TFEC: variants seen among roughly 807,000 people sequenced by gnomAD.
TFEC encodes the protein transcription factor EC.
In TFEC, 31 loss-of-function variants were observed where a neutral mutation model predicts 41.6. The ratio of observed to expected loss-of-function variants is 0.74; its 90% confidence interval spans 0.56 to 1.01. The LOEUF is 1.01. Ranked by LOEUF, TFEC falls within the 50% of genes least tolerant of loss-of-function variation. The pLI is 0.00. For missense variants in TFEC, 402 were observed against 404.1 expected, an observed-to-expected ratio of 0.99 and a Z score of 0.04; for synonymous variants, 143 against 140.6, an observed-to-expected ratio of 1.02 and a Z score of -0.12.
Position 115,984,265 on chromosome 7 carries a change from C to A in TFEC, c.177G>T (p.Trp59Cys). 2 of 1,613,484 alleles carry A rather than the reference C, an allele frequency of 1.2e-6. No homozygotes were observed. The highest frequency in any genetic ancestry group is 1.7e-6 in the Non-Finnish European group (2 of 1,179,528). The stretch of plus-strand genomic sequence containing the variant: ...TATAACCAGCCATTAGACATACATG[C>A]CATTGTGCATTGTCATCTTCTTTCC... ...AIGKEDDNAQ[W>C]HMEDVIEDII... Residue 59 changes from tryptophan to cysteine, a missense_variant, in exon 2 of 8, where the codon TGG becomes TGT. By Grantham distance (215) the Trp-to-Cys change is radical. Coordinates refer to ENST00000265440, the MANE Select transcript of TFEC (RefSeq NM_012252.4).
intron 3 of TFEC, among the ~76,000 whole-genome samples, chr7:116,084,037 G>T (rs927010737): frequency 3.3e-5 from 5 of 151,890 alleles, no homozygotes; most frequent in African/African-American, 1.2e-4. Context: ...TTGTGTCTTT[G>T]TCTTGATCCC....
At chr7:116,143,945 C>T (rs1798590694) in intron 1 of TFEC, among the ~76,000 whole-genome samples, 1 of 151,880 alleles carries the variant, frequency 6.6e-6, no homozygotes. Context: ...CCTCGCCGAG[C>T]GCGGTGGCTC....
chr7:116,118,071 C>T (rs1201428064), intron 1 of TFEC, among the ~76,000 whole-genome samples: 1 of 151,732 alleles, frequency 6.6e-6, no homozygotes, highest in Non-Finnish European at 1.5e-5. Flanking sequence ...ACCAAAAGAT[C>T]AACTGATTTT....
At chr7:116,056,444 A>T (rs1796432862) in intron 3 of TFEC, among the ~76,000 whole-genome samples, 1 of 152,142 alleles carries the variant, frequency 6.6e-6, no homozygotes, top group Admixed American at 6.6e-5. Flanking sequence ...CATACATGTG[A>T]GGAAAATACT....
At chr7:116,059,996 C>T (rs569976861) in intron 3 of TFEC, among the ~76,000 whole-genome samples, 2 of 152,048 alleles carry the variant, frequency 1.3e-5, no homozygotes, top group East Asian at 1.9e-4. Flanking sequence ...AAAGAAAAGA[C>T]ATCTAGATTG....
chr7:115,980,946 A>G (rs1310117581), intron 2 of TFEC, among the ~76,000 whole-genome samples: 6 of 152,194 alleles, frequency 3.9e-5, no homozygotes, highest in Non-Finnish European at 8.8e-5. Flanking sequence ...ACATAATTGC[A>G]TAAGATTATA....
chr7:116,157,574 A>AAATCAGGAT (rs141694792), intron 1 of TFEC, among the ~76,000 whole-genome samples: 16,339 of 152,086 alleles, frequency 0.11, 932 homozygotes, highest in African/African-American at 0.15. Context: ...AGAAAAATGG[A>AAATCAGGAT]AATCAGGATT....
chr7:116,062,225 C>CCTT (rs1796576071), intron 3 of TFEC, among the ~76,000 whole-genome samples: 1 of 51,900 alleles, frequency 1.9e-5, no homozygotes, highest in Non-Finnish European at 3.0e-5. Flanking sequence ...CATGCCTGGC[C>CCTT]TTTTTTTTTT....
intron 3 of TFEC, among the ~76,000 whole-genome samples, chr7:116,106,760 G>T (rs578130366): frequency 6.6e-6 from 1 of 152,210 alleles, no homozygotes; most frequent in African/African-American, 2.4e-5. Flanking sequence ...GCTTTTTGAG[G>T]CAAGAAATGT....
At chr7:115,970,528 C>T (rs1488045248) in intron 3 of TFEC, among the ~76,000 whole-genome samples, 2 of 151,756 alleles carry the variant, frequency 1.3e-5, no homozygotes, top group African/African-American at 4.8e-5. Context: ...TTAAAGGGTG[C>T]TGTTTGGTTA....
intron 3 of TFEC, among the ~76,000 whole-genome samples, chr7:116,041,250 T>C: frequency 6.6e-6 from 1 of 151,416 alleles, no homozygotes; most frequent in East Asian, 1.9e-4. Context: ...TTTGTTTTGC[T>C]GATAACAACT....
chr7:116,066,512 A>C (rs1796698684), intron 3 of TFEC, among the ~76,000 whole-genome samples: 1 of 152,044 alleles, frequency 6.6e-6, no homozygotes, highest in African/African-American at 2.4e-5. Flanking sequence ...ATAAATCTGA[A>C]AAGCAGTATA....
At position 116,114,842 on chromosome 7, in the gene TFEC, T is replaced by C. The variant is rs149305620; in HGVS notation, c.-68-2804A>G. 1.7e-4 allele frequency among the ~76,000 whole-genome samples: 26 copies of C among 151,904 alleles called. No homozygotes were observed. The East Asian group carries it at 4.7e-3, about 27-fold the overall frequency. ...GAAGGAATCAAAGAAAGACATCAGCTAGGAAGGGACATTGAAACATCTCAC... is the reference window on the plus strand; with the variant it reads ...GAAGGAATCAAAGAAAGACATCAGCCAGGAAGGGACATTGAAACATCTCAC... On this transcript the variant is annotated intron_variant, in intron 1 of 8. Coordinates refer to the TFEC transcript ENST00000484212.
intron 4 of TFEC, among the ~76,000 whole-genome samples, chr7:115,956,045 G>A (rs1380868980): frequency 6.6e-6 from 1 of 151,890 alleles, no homozygotes; most frequent in African/African-American, 2.4e-5. Context: ...ATCCAGTTCT[G>A]CCTGTAATCA....
At chr7:115,960,637 T>C (rs185745484) in intron 3 of TFEC, among the ~76,000 whole-genome samples, 1 of 151,494 alleles carries the variant, frequency 6.6e-6, no homozygotes, top group East Asian at 2.0e-4. Flanking sequence ...AACTTAAAAA[T>C]GGGGCACAAA....
chr7:115,966,317 G>A (rs1036605680), intron 3 of TFEC, among the ~76,000 whole-genome samples: 2 of 151,662 alleles, frequency 1.3e-5, no homozygotes, highest in African/African-American at 4.8e-5. Context: ...AGGGTGTGAG[G>A]GGGAAGAATG....
chr7:115,969,987 T>G (rs1189606136), intron 3 of TFEC, among the ~76,000 whole-genome samples: 1 of 151,968 alleles, frequency 6.6e-6, no homozygotes, highest in African/African-American at 2.4e-5. Flanking sequence ...CATGCTATGT[T>G]TAAGATACCT....
exon 1 of TFEC, chr7:116,159,809 G>A (rs138114558): frequency 1.3e-5 from 2 of 152,178 alleles, no homozygotes; most frequent in East Asian, 3.9e-4. Flanking sequence ...TGGCTCAGGC[G>A]AAGAATCCGT....
At position 115,969,741 on chromosome 7, in the gene TFEC, T is replaced by C. The variant is rs150924982; in HGVS notation, c.267+4429A>G. ...GAAGAACAGCTGTAAGGGAACAAAA[T>C]GTAGCAGGAAAGCTAGGTCAGAGCC... is the stretch of plus-strand genomic sequence containing the variant. On this transcript the variant is annotated intron_variant, in intron 3 of 7. Coordinates refer to ENST00000265440, the MANE Select transcript of TFEC (RefSeq NM_012252.4). Among the ~76,000 whole-genome samples the C allele has an allele frequency of 4.0e-4, 61 of 152,070 alleles. 1 individual carries two copies. In the East Asian group the frequency reaches 0.011, roughly 28 times the overall value.
Sources: gnomAD v4.1 joint callset for allele counts (sites outside exome capture counted in the v4.1 genomes callset) on GRCh38, gnomAD v4.1.1 for gene constraint, MANE v1.5 for transcripts, NCBI Gene and HGNC (gene_info 2026-07-23, HGNC 2026-07-21) for gene names.